DPP4: variants seen among roughly 807,000 people sequenced by gnomAD.
DPP4 encodes the protein dipeptidyl peptidase 4, also known as ADCP-2.
A neutral mutation model predicts 122.4 loss-of-function variants in DPP4; 93 were observed. That is an observed-to-expected ratio of 0.76 (90% CI 0.64 to 0.90). The LOEUF is 0.90. Among genes scored for constraint, DPP4 ranks in the 40% least tolerant of loss-of-function variants. The pLI, the probability that DPP4 is intolerant of heterozygous loss-of-function variation, is 0.00. For synonymous variants in DPP4, 321 were observed against 302.9 expected, an observed-to-expected ratio of 1.06 and a Z score of -0.62; for missense variants, 914 against 907.3, an observed-to-expected ratio of 1.01 and a Z score of -0.09.
At position 162,007,219 on chromosome 2, in the gene DPP4, G is replaced by A. The variant is rs191050663; in HGVS notation, c.1987+1343C>T. On this transcript the variant is annotated intron_variant, in intron 22 of 25. Transcript: ENST00000360534. ...AATGCTCATATCTCTTTTAACTTTA[G>A]CATTTAAATATTAATATCTTAGGTT... is the stretch of plus-strand genomic sequence containing the variant. Among the ~76,000 whole-genome samples the A allele has an allele frequency of 3.1e-3, 472 of 151,904 alleles. 3 individuals carry two copies. Among genetic ancestry groups the A allele is most frequent in the African/African-American group, 0.011 (439 of 41,456 alleles).
chr2:162,014,334 G>T, intron 19 of DPP4, 62 bp downstream of exon 19: 1 of 1,380,564 alleles, frequency 7.2e-7, no homozygotes, highest in Non-Finnish European at 1.0e-6. Context: ...TCAGTAAGCT[G>T]CACTGAGAAA....
intron 10 of DPP4, among the ~76,000 whole-genome samples, chr2:162,027,955 C>T (rs571098344): frequency 1.3e-5 from 2 of 151,976 alleles, no homozygotes; most frequent in South Asian, 2.1e-4. Context: ...GCAGTTCACC[C>T]GTGGCGCAGA....
At chr2:162,026,713 A>T (rs1683341210) in intron 10 of DPP4, among the ~76,000 whole-genome samples, 2 of 152,198 alleles carry the variant, frequency 1.3e-5, no homozygotes, top group African/African-American at 4.8e-5. Flanking sequence ...CATCTCATCC[A>T]GTCTGACGCT....
chr2:162,023,342 G>C (rs1683206460), intron 11 of DPP4, among the ~76,000 whole-genome samples: 1 of 152,104 alleles, frequency 6.6e-6, no homozygotes, highest in Admixed American at 6.5e-5. Flanking sequence ...GCAATAGATA[G>C]GCCTGTCCCA....
intron 2 of DPP4, among the ~76,000 whole-genome samples, chr2:162,055,400 A>G (rs753068174): frequency 2.9e-4 from 44 of 152,212 alleles, no homozygotes; most frequent in African/African-American, 8.4e-4. Flanking sequence ...TGTCAACAAT[A>G]GAACACTGTG....
intron 24 of DPP4, 28 bp downstream of exon 24, chr2:161,995,272 C>A: frequency 6.2e-7 from 1 of 1,601,078 alleles, no homozygotes; most frequent in Non-Finnish European, 8.6e-7. Context: ...GTCTGTGATA[C>A]TAAAAAGTCT....
intron 22 of DPP4, among the ~76,000 whole-genome samples, chr2:162,006,346 T>G (rs554332607): frequency 6.6e-6 from 1 of 152,182 alleles, no homozygotes. Flanking sequence ...CAATGTTCAA[T>G]TACTAGTTGC....
rs76917004 is a variant in DPP4, at chr2:162,036,602, G to C, written c.614-1278C>G. On this transcript the variant is annotated intron_variant, in intron 8 of 25. Coordinates refer to ENST00000360534, the MANE Select transcript of DPP4 (RefSeq NM_001935.4). Reference sequence around the variant, plus strand: ...TCTCAGTGCTATACTGCCCTTTCCTGCCTCTATTTTAGTATTTCCAGTAAT... The same window carrying C: ...TCTCAGTGCTATACTGCCCTTTCCTCCCTCTATTTTAGTATTTCCAGTAAT... Among the ~76,000 whole-genome samples the C allele has an allele frequency of 2.4e-3, 362 of 152,234 alleles. 3 individuals are homozygous for C. Among genetic ancestry groups the C allele is most frequent in the Middle Eastern group, 0.02 (6 of 294 alleles).
At chr2:162,028,749 C>T (rs1683438991) in intron 10 of DPP4, among the ~76,000 whole-genome samples, 2 of 152,200 alleles carry the variant, frequency 1.3e-5, no homozygotes, top group Non-Finnish European at 2.9e-5. Flanking sequence ...TACTATGTGC[C>T]AGGAACTATT....
chr2:162,069,565 C>T lies in DPP4; in HGVS notation c.94+3834G>A, dbSNP rs953596475. Among the ~76,000 whole-genome samples the T allele has an allele frequency of 2.0e-4, 30 of 152,276 alleles. 1 individual carries two copies. The highest frequency in any genetic ancestry group is 7.0e-4 in the African/African-American group (29 of 41,564). ...GCTAGGGAAGCAAAACCCAAAATAA[C>T]TGGCCTGAAAAAGACTAACCTGCTG... is the stretch of plus-strand genomic sequence containing the variant. On this transcript the variant is annotated intron_variant, in intron 2 of 25. Transcript: ENST00000360534.
rs117704413 is a variant in DPP4 at position 162,016,025 on chromosome 2, T to G, written c.1567+743A>C. 3.2e-4 allele frequency among the ~76,000 whole-genome samples: 48 copies of G among 152,310 alleles called. No individual in the cohort carries two copies. The East Asian group carries it at 7.7e-3, about 24-fold the overall frequency. Reference sequence around the variant, plus strand: ...GCACATTCAGTTTGAGTAGCACTGATGTAAACTGTTTTTCACGAGGATGCT... The same window carrying G: ...GCACATTCAGTTTGAGTAGCACTGAGGTAAACTGTTTTTCACGAGGATGCT... On this transcript the variant is annotated intron_variant, in intron 18 of 25. Transcript: ENST00000360534.
Position 162,019,280 on chromosome 2 carries a change from G to C in DPP4, c.1245-4C>G. ...ATATTCATTACTAATGTAGTATCTAGGAAGAGAAAAAAATGAAATATATAT... is the reference window on the plus strand; with the variant it reads ...ATATTCATTACTAATGTAGTATCTACGAAGAGAAAAAAATGAAATATATAT... On this transcript the variant is annotated splice_region_variant and splice_polypyrimidine_tract_variant and intron_variant, in intron 14 of 25. Transcript: ENST00000360534. 1.3e-6 allele frequency: 2 copies of C among 1,513,310 alleles called. No individual in the cohort carries two copies. Among genetic ancestry groups the C allele is most frequent in the Non-Finnish European group, 1.8e-6 (2 of 1,101,780 alleles). 93.7% of individuals were successfully genotyped at this position (1,513,310 alleles called of 1,614,324 possible).
chr2:162,036,912 T>C (rs1238808422), intron 8 of DPP4, among the ~76,000 whole-genome samples: 1 of 152,206 alleles, frequency 6.6e-6, no homozygotes, highest in Non-Finnish European at 1.5e-5. Flanking sequence ...TCTCATTCTT[T>C]GCAACTTTTA....
At chr2:162,015,686 T>A (rs894038245) in intron 18 of DPP4, among the ~76,000 whole-genome samples, 1 of 152,096 alleles carries the variant, frequency 6.6e-6, no homozygotes, top group African/African-American at 2.4e-5. Flanking sequence ...CACCTCCCCA[T>A]CCCCACAGCT....
rs185056778 is a variant in DPP4 at position 162,041,990 on chromosome 2, G to A, written c.367-2806C>T. On this transcript the variant is annotated intron_variant, in intron 5 of 25. Transcript: ENST00000360534. The stretch of plus-strand genomic sequence containing the variant: ...GAATCATAAATTAGGCCTTGGGGAG[G>A]CAGAGAGGATTATGGAAAAGATGAT... 2.3e-3 allele frequency among the ~76,000 whole-genome samples: 349 copies of A among 152,308 alleles called. 2 individuals carry two copies. Among genetic ancestry groups the A allele is most frequent in the Non-Finnish European group, 3.8e-3 (260 of 68,028 alleles).
intron 10 of DPP4, among the ~76,000 whole-genome samples, 163 bp downstream of exon 10, chr2:162,033,378 G>A (rs574663085): frequency 3.9e-5 from 6 of 152,288 alleles, no homozygotes; most frequent in East Asian, 1.9e-4. Context: ...GCCTGAGGAC[G>A]TGAAGATGCT....
intron 10 of DPP4, among the ~76,000 whole-genome samples, chr2:162,029,425 T>C (rs1465500384): frequency 1.3e-5 from 2 of 152,202 alleles, no homozygotes; most frequent in Non-Finnish European, 2.9e-5. Flanking sequence ...TCTGCTCTGA[T>C]GGGGATGCCA....
At chr2:162,041,534 T>A (rs1200280199) in intron 5 of DPP4, among the ~76,000 whole-genome samples, 1 of 152,168 alleles carries the variant, frequency 6.6e-6, no homozygotes, top group Non-Finnish European at 1.5e-5. Flanking sequence ...TATGCTCTCA[T>A]GTCAACAAAT....
At chr2:162,026,784 C>T (rs1293244390) in intron 10 of DPP4, among the ~76,000 whole-genome samples, 2 of 152,108 alleles carry the variant, frequency 1.3e-5, no homozygotes, top group Non-Finnish European at 2.9e-5. Context: ...TACACTTTAC[C>T]CAAGAAAGGC....
Sources: gnomAD v4.1 joint callset for allele counts (sites outside exome capture counted in the v4.1 genomes callset) on GRCh38, gnomAD v4.1.1 for gene constraint, MANE v1.5 for transcripts, NCBI Gene and HGNC (gene_info 2026-07-23, HGNC 2026-07-21) for gene names.